The following CDK6 variants were observed in gnomAD, a reference collection of about 807,000 sequenced individuals.
CDK6 encodes the protein cyclin dependent kinase 6.
A neutral mutation model predicts 37.1 loss-of-function variants in CDK6; 6 were observed. That is an observed-to-expected ratio of 0.16 (90% CI 0.09 to 0.32). The LOEUF is 0.32. Among genes scored for constraint, CDK6 ranks in the 10% least tolerant of loss-of-function variants. The probability of loss-of-function intolerance (pLI) is 1.00; values close to 1 mark genes in which losing one functional copy is unlikely to be tolerated. For synonymous variants in CDK6, 160 were observed against 161.3 expected, an observed-to-expected ratio of 0.99 and a Z score of 0.06; for missense variants, 224 against 418.9, an observed-to-expected ratio of 0.53 and a Z score of 4.06.
At chr7:92,818,495 G>A (rs1801084783) in intron 2 of CDK6, among the ~76,000 whole-genome samples, 1 of 151,268 alleles carries the variant, frequency 6.6e-6, no homozygotes, top group South Asian at 2.1e-4. Flanking sequence ...TAAAATTCTA[G>A]AAGAAAACAT....
chr7:92,827,467 G>A (rs751900103), intron 2 of CDK6, among the ~76,000 whole-genome samples: 62 of 152,170 alleles, frequency 4.1e-4, no homozygotes, highest in Non-Finnish European at 8.1e-4. Flanking sequence ...CAGTCCCTCC[G>A]GTTCACCTCT....
intron 5 of CDK6, among the ~76,000 whole-genome samples, chr7:92,661,003 G>A (rs1266722896): frequency 6.6e-6 from 1 of 152,136 alleles, no homozygotes; most frequent in African/African-American, 2.4e-5. Context: ...GGGAGATGAA[G>A]AGCCAGCAAA....
intron 2 of CDK6, among the ~76,000 whole-genome samples, chr7:92,816,270 A>G (rs899738181): frequency 7.9e-5 from 12 of 152,216 alleles, no homozygotes; most frequent in African/African-American, 2.7e-4. Flanking sequence ...ATGGAATAGC[A>G]GACAAAGAAA....
chr7:92,702,220 CTTTTTTTTTTTTTTTT>C (rs3066453), intron 4 of CDK6, among the ~76,000 whole-genome samples: 9 of 44,958 alleles, frequency 2.0e-4, no homozygotes, highest in Non-Finnish European at 3.0e-4. Context: ...CAAGTATATT[CTTTTTTTTTTTTTTTT>C]TTTTTTTTTT....
At chr7:92,729,740 CTTCTTTTCTTT>C (rs1260073286) in intron 3 of CDK6, among the ~76,000 whole-genome samples, 1 of 152,070 alleles carries the variant, frequency 6.6e-6, no homozygotes, top group African/African-American at 2.4e-5. Flanking sequence ...ATCATGGGGC[CTTCTTTTCTTT>C]TTCTTTTCTT....
At chr7:92,741,548 T>G (rs1374597833) in intron 3 of CDK6, among the ~76,000 whole-genome samples, 1 of 152,182 alleles carries the variant, frequency 6.6e-6, no homozygotes, top group African/African-American at 2.4e-5. Flanking sequence ...GATTGCTACC[T>G]CTGTCAGGTG....
intron 4 of CDK6, among the ~76,000 whole-genome samples, chr7:92,687,081 G>C (rs546355320): frequency 6.6e-6 from 1 of 152,148 alleles, no homozygotes; most frequent in Non-Finnish European, 1.5e-5. Flanking sequence ...CACTATTGTA[G>C]ATACTTAAAA....
chr7:92,698,719 T>C (rs751562919), intron 4 of CDK6, among the ~76,000 whole-genome samples: 53 of 152,192 alleles, frequency 3.5e-4, no homozygotes, highest in South Asian at 2.1e-4. Flanking sequence ...CACTGCACCA[T>C]TGTTCCCAGA....
chr7:92,632,619 G>A (rs1405068486), intron 5 of CDK6, among the ~76,000 whole-genome samples: 1 of 152,056 alleles, frequency 6.6e-6, no homozygotes, highest in Non-Finnish European at 1.5e-5. Context: ...TGGCCCAACA[G>A]CAAGTTTAAC....
intron 4 of CDK6, among the ~76,000 whole-genome samples, chr7:92,704,874 C>A (rs986657999): frequency 6.6e-6 from 1 of 152,142 alleles, no homozygotes; most frequent in Non-Finnish European, 1.5e-5. Flanking sequence ...TGCAGGGTTT[C>A]ATGGTATAAG....
chr7:92,642,342 T>C (rs1158296657), intron 5 of CDK6, among the ~76,000 whole-genome samples: 1 of 152,116 alleles, frequency 6.6e-6, no homozygotes, highest in Non-Finnish European at 1.5e-5. Flanking sequence ...GGGAGAGATA[T>C]AAGGAGCACT....
chr7:92,676,514 A>G (rs1172777144), intron 4 of CDK6, among the ~76,000 whole-genome samples: 1 of 152,054 alleles, frequency 6.6e-6, no homozygotes, highest in Non-Finnish European at 1.5e-5. Context: ...ATTTTTCTAT[A>G]CTTCATTTGT....
At chr7:92,800,793 C>T (rs1339478166) in intron 2 of CDK6, among the ~76,000 whole-genome samples, 1 of 152,120 alleles carries the variant, frequency 6.6e-6, no homozygotes. Flanking sequence ...CATCTCTGGG[C>T]CCATCCCAAA....
intron 5 of CDK6, among the ~76,000 whole-genome samples, chr7:92,667,133 T>A (rs1403154004): frequency 6.6e-6 from 1 of 152,220 alleles, no homozygotes; most frequent in East Asian, 1.9e-4. Flanking sequence ...AAATAAAAAA[T>A]TTAAAAATAA....
At chr7:92,732,858 C>T (rs187465167) in intron 3 of CDK6, among the ~76,000 whole-genome samples, 79 of 152,272 alleles carry the variant, frequency 5.2e-4, no homozygotes, top group Admixed American at 1.1e-3. Flanking sequence ...CTGTAGCAAC[C>T]ATCTTGAAAC....
At chr7:92,672,238 CACACATAT>C (rs1797104984) in intron 4 of CDK6, among the ~76,000 whole-genome samples, 1 of 145,418 alleles carries the variant, frequency 6.9e-6, no homozygotes, top group African/African-American at 2.6e-5. Context: ...CACACACACA[CACACATAT>C]ATGAAGATGG....
rs1397500696 is a variant in CDK6 at position 92,774,792 on chromosome 7, T to A, written c.273A>T (p.Glu91Asp). 6 of 1,612,802 alleles carry A rather than the reference T, an allele frequency of 3.7e-6. No individual in the cohort carries two copies. The Admixed American group carries it at 6.7e-5, about 18-fold the overall frequency. Residue 91 changes from glutamate (E) to aspartate (D), a missense_variant, in exon 3 of 8, where the codon GAA becomes GAT. By Grantham distance (45) the Glu-to-Asp change is conservative. Coordinates refer to ENST00000424848, the MANE Select transcript of CDK6 (RefSeq NM_001145306.2). ...DVCTVSRTDR[E>D]TKLTLVFEHV... ...GTTCAAACACTAAAGTTAGTTTGGTTTCTCTGTCTGTTCGTGACACTGTGC... is the reference window on the plus strand; with the variant it reads ...GTTCAAACACTAAAGTTAGTTTGGTATCTCTGTCTGTTCGTGACACTGTGC...
At chr7:92,618,387 A>T (rs1174301662) in intron 6 of CDK6, 180 bp from the exon 7 acceptor site, 1 of 559,436 alleles carries the variant, frequency 1.8e-6, no homozygotes, top group African/African-American at 1.9e-5. Flanking sequence ...TATGGTGGCC[A>T]TGGGGGAGAG....
intron 5 of CDK6, among the ~76,000 whole-genome samples, chr7:92,654,644 G>A (rs914262512): frequency 3.9e-5 from 6 of 152,010 alleles, no homozygotes; most frequent in East Asian, 1.9e-4. Context: ...CGTCTTACCC[G>A]AGAGAGCAAA....
Sources: gnomAD v4.1 joint callset for allele counts (sites outside exome capture counted in the v4.1 genomes callset) on GRCh38, gnomAD v4.1.1 for gene constraint, MANE v1.5 for transcripts, NCBI Gene and HGNC (gene_info 2026-07-23, HGNC 2026-07-21) for gene names.